The following SLC4A5 variants were observed in gnomAD, a reference collection of about 807,000 sequenced individuals.
SLC4A5 encodes the protein solute carrier family 4 member 5.
In SLC4A5, 96 loss-of-function variants were observed where a neutral mutation model predicts 120.4. That is an observed-to-expected ratio of 0.80 (90% confidence interval 0.68 to 0.94). The LOEUF is 0.94. Among genes scored for constraint, SLC4A5 ranks in the 40% least tolerant of loss-of-function variants. The pLI is 0.00. For synonymous variants in SLC4A5, 550 were observed against 571.1 expected, an observed-to-expected ratio of 0.96 and a Z score of 0.53; for missense variants, 1,259 against 1,459.5, an observed-to-expected ratio of 0.86 and a Z score of 2.24.
chr2:74,282,477 C>T (rs180914501), intron 8 of SLC4A5, among the ~76,000 whole-genome samples: 2 of 152,368 alleles, frequency 1.3e-5, no homozygotes, highest in East Asian at 3.9e-4. Flanking sequence ...TCCAGGACCT[C>T]CTCAGATGCC....
rs115851548 is a variant in SLC4A5 at position 74,328,882 on chromosome 2, A to G, written c.-69-696T>C. 2.3e-3 allele frequency among the ~76,000 whole-genome samples: 356 copies of G among 152,302 alleles called. 4 individuals are homozygous for G. The highest frequency in any genetic ancestry group is 8.2e-3 in the African/African-American group (341 of 41,556). On this transcript the variant is annotated intron_variant, in intron 4 of 30. Transcript: ENST00000394019. ...TCAATGAGTTTACATAAACATGTGT[A>G]CTTATTTTTAGGCATCTCTAACCCA... is the stretch of plus-strand genomic sequence containing the variant.
At chr2:74,227,182 G>A in intron 26 of SLC4A5, 52 bp from the exon 27 acceptor site, 1 of 1,540,546 alleles carries the variant, frequency 6.5e-7, no homozygotes, top group Non-Finnish European at 8.8e-7. Flanking sequence ...AGGGCCCGCT[G>A]GGTCCTGGGA....
chr2:74,276,697 T>TCA (rs1553456076), intron 8 of SLC4A5, among the ~76,000 whole-genome samples: 1 of 152,092 alleles, frequency 6.6e-6, no homozygotes, highest in African/African-American at 2.4e-5. Flanking sequence ...AAAGACATAT[T>TCA]TGGGGTGTCT....
intron 21 of SLC4A5, among the ~76,000 whole-genome samples, 162 bp downstream of exon 21, chr2:74,239,173 G>C (rs1670357143): frequency 6.6e-6 from 1 of 152,198 alleles, no homozygotes; most frequent in Non-Finnish European, 1.5e-5. Context: ...TTGTCAAGGG[G>C]ACCAGCCAAC....
At chr2:74,227,239 C>A in intron 26 of SLC4A5, 109 bp from the exon 27 acceptor site, 1 of 1,266,196 alleles carries the variant, frequency 7.9e-7, no homozygotes, top group South Asian at 1.5e-5. Flanking sequence ...GGGAAGCCCC[C>A]TGCTCAGGCC....
chr2:74,322,590 A>T (rs939933458), intron 5 of SLC4A5, among the ~76,000 whole-genome samples: 5 of 152,170 alleles, frequency 3.3e-5, no homozygotes, highest in African/African-American at 1.2e-4. Flanking sequence ...GAATATGATA[A>T]AATGTTAACA....
intron 17 of SLC4A5, among the ~76,000 whole-genome samples, chr2:74,249,185 T>C (rs1670713664): frequency 1.3e-5 from 2 of 152,050 alleles, no homozygotes; most frequent in South Asian, 2.1e-4. Context: ...GGGGTGAAAA[T>C]TGTCCCTGGT....
chr2:74,323,581 G>C (rs1010782291), intron 5 of SLC4A5, among the ~76,000 whole-genome samples: 4 of 151,948 alleles, frequency 2.6e-5, no homozygotes, highest in Non-Finnish European at 4.4e-5. Flanking sequence ...AGCCACTCAG[G>C]GAAAAAATGA....
intron 8 of SLC4A5, among the ~76,000 whole-genome samples, chr2:74,266,361 TG>T (rs777793986): frequency 9.9e-5 from 15 of 152,162 alleles, no homozygotes; most frequent in Non-Finnish European, 1.6e-4. Flanking sequence ...CTCGACCACC[TG>T]TGCTCAGGTG....
rs144737391 is a variant in SLC4A5, at chr2:74,307,600, C to T, written c.80-2920G>A. On this transcript the variant is annotated intron_variant, in intron 6 of 30. Transcript: ENST00000394019. ...TCCACAGTATTTGCGAAGATCTGAG[C>T]GCTCATGTCCTCAATGGTCTTGAAG... The T allele has an allele frequency of 1.6e-4, 117 of 738,778 alleles. 3 individuals carry two copies. The highest frequency in any genetic ancestry group is 1.4e-3 in the South Asian group (106 of 74,670). 45.8% of individuals were successfully genotyped at this position (738,778 alleles called of 1,614,324 possible).
chr2:74,235,132 G>C, exon 22 of SLC4A5: 1 of 1,614,156 alleles, frequency 6.2e-7, no homozygotes, highest in Middle Eastern at 1.6e-4. Flanking sequence ...CAGCTTGGGA[G>C]TTTCTAGGCC....
At chr2:74,294,902 C>T (rs896110543) in intron 7 of SLC4A5, among the ~76,000 whole-genome samples, 27 of 152,050 alleles carry the variant, frequency 1.8e-4, no homozygotes, top group African/African-American at 6.5e-4. Flanking sequence ...AACTCCTGGC[C>T]TCAAGTGATC....
At chr2:74,343,122 G>A (rs1029513850) in intron 1 of SLC4A5, among the ~76,000 whole-genome samples, 2 of 152,152 alleles carry the variant, frequency 1.3e-5, no homozygotes, top group African/African-American at 4.8e-5. Context: ...TCGTCATTCC[G>A]TTACTTGTCC....
In SLC4A5 at chr2:74,221,455, C is replaced by G. The variant is rs1442466341; in HGVS notation, c.*12G>C. 2.5e-6 allele frequency: 4 copies of G among 1,613,848 alleles called. No individual in the cohort carries two copies. The East Asian group carries it at 6.7e-5, about 27-fold the overall frequency. On this transcript the variant is annotated 3_prime_UTR_variant, in exon 30 of 31. Coordinates refer to ENST00000394019, the Ensembl canonical transcript of SLC4A5. ...TTACCTTCGGTCAAGTTCTGTGTCA[C>G]TGAAGGAAGAATCAGAGTGAGTAAC...
In SLC4A5 at chr2:74,254,569, G is replaced by C. The variant is rs376579103; in HGVS notation, c.1113+50C>G. ...GTTAATGAATGAAGGTGCAGTGCTT[G>C]GTGCAGGAGCTGTAAAATTCAGGAG... On this transcript the variant is annotated intron_variant, in intron 14 of 30. Coordinates refer to ENST00000394019, the Ensembl canonical transcript of SLC4A5. The C allele has an allele frequency of 2.1e-6, 3 of 1,417,794 alleles. No homozygotes were observed. In the Admixed American group the frequency reaches 5.0e-5, roughly 24 times the overall value. 87.8% of individuals were successfully genotyped at this position (1,417,794 alleles called of 1,614,324 possible). A position where few individuals can be genotyped will look rare whatever the true frequency, so the allele number is the denominator to read the frequency against.
intron 15 of SLC4A5, 52 bp downstream of exon 15, chr2:74,252,922 G>A (rs1006548939): frequency 5.0e-6 from 8 of 1,589,650 alleles, no homozygotes; most frequent in Middle Eastern, 3.3e-4. Flanking sequence ...AAATGATACC[G>A]ACAGAGTTGA....
chr2:74,293,610 C>T (rs1672240137), intron 7 of SLC4A5, among the ~76,000 whole-genome samples: 1 of 152,204 alleles, frequency 6.6e-6, no homozygotes, highest in Non-Finnish European at 1.5e-5. Context: ...TGGGAAAGGG[C>T]TGTGTACACC....
At chr2:74,298,793 C>T (rs1246088134) in intron 7 of SLC4A5, among the ~76,000 whole-genome samples, 1 of 152,116 alleles carries the variant, frequency 6.6e-6, no homozygotes, top group African/African-American at 2.4e-5. Context: ...TGCCTGTTGT[C>T]CCAGTGCCTC....
chr2:74,331,791 C>A (rs146193441), intron 4 of SLC4A5, among the ~76,000 whole-genome samples: 160 of 152,268 alleles, frequency 1.1e-3, no homozygotes, highest in African/African-American at 3.4e-3. Context: ...ACTTACTGCT[C>A]TACCTCTAAA....
Sources: allele counts gnomAD v4.1 joint callset (sites outside exome capture counted in the v4.1 genomes callset), GRCh38; gene constraint gnomAD v4.1.1; transcripts MANE v1.5; gene names NCBI Gene and HGNC (gene_info 2026-07-23, HGNC 2026-07-21).